TAS2R1: variants seen among roughly 807,000 people sequenced by gnomAD.
TAS2R1 encodes taste receptor type 2 member 1.
For synonymous variants in TAS2R1, 141 were observed against 134.2 expected (o/e 1.05, Z -0.35); for missense variants, 370 against 353.4 (o/e 1.05, Z -0.38).
At chr5:9,741,489 T>G in the TAS2R1 span, among the ~76,000 whole-genome samples, 3 of 152,204 alleles carry the variant, frequency 2.0e-5, no homozygotes, top group Non-Finnish European at 2.9e-5. Flanking sequence ...ATGTTTCTTA[T>G]GTCTAATGTT....
rs983772398 is a variant in TAS2R1, at chr5:9,629,126, T to C, written c.*7A>G. ...CATGGGTTCTTTGAACTGATCCAAC[T>C]TCTCTCTCACTGACAGCACTTACTG... On this transcript the variant is annotated 3_prime_UTR_variant, in exon 1 of 1. Coordinates refer to ENST00000382492, the MANE Select transcript of TAS2R1 (RefSeq NM_019599.3). 6.5e-7 allele frequency: 1 copy of C among 1,538,450 alleles called. No individual in the cohort carries two copies. The highest frequency in any genetic ancestry group is 8.7e-7 in the Non-Finnish European group (1 of 1,146,256).
the TAS2R1 span, among the ~76,000 whole-genome samples, chr5:9,864,629 A>G: frequency 6.8e-6 from 1 of 146,506 alleles, no homozygotes; most frequent in African/African-American, 2.5e-5. Flanking sequence ...GCTAGACTCC[A>G]CTCAAAAAAA....
the TAS2R1 span, among the ~76,000 whole-genome samples, chr5:9,836,493 G>C: frequency 0.06 from 9,040 of 151,902 alleles, 632 homozygotes; most frequent in East Asian, 0.23. Context: ...CCCTCCATAC[G>C]CCCCAGGTTA....
At chr5:9,755,636 G>T in the TAS2R1 span, among the ~76,000 whole-genome samples, 1 of 151,808 alleles carries the variant, frequency 6.6e-6, no homozygotes, top group Non-Finnish European at 1.5e-5. Flanking sequence ...ATAAAGAATG[G>T]CTATTCCATT....
At chr5:9,794,422 T>C in the TAS2R1 span, among the ~76,000 whole-genome samples, 2 of 152,172 alleles carry the variant, frequency 1.3e-5, no homozygotes, top group Admixed American at 6.5e-5. Flanking sequence ...TTATGGGAAT[T>C]TAACTACTTC....
the TAS2R1 span, among the ~76,000 whole-genome samples, chr5:9,879,927 T>C: frequency 6.6e-6 from 1 of 152,166 alleles, no homozygotes; most frequent in African/African-American, 2.4e-5. Context: ...AGAGAACAGA[T>C]AACCAGGCTA....
chr5:9,786,958 C>G, the TAS2R1 span, among the ~76,000 whole-genome samples: 4 of 152,204 alleles, frequency 2.6e-5, no homozygotes, highest in Admixed American at 1.3e-4. Flanking sequence ...GAATCTTTCT[C>G]TAAATGAATC....
the TAS2R1 span, among the ~76,000 whole-genome samples, chr5:9,758,770 C>T: frequency 6.6e-6 from 1 of 152,200 alleles, no homozygotes; most frequent in Non-Finnish European, 1.5e-5. Context: ...CTCCCCCAGG[C>T]TTCGGCAGCC....
chr5:9,837,477 G>A, the TAS2R1 span, among the ~76,000 whole-genome samples: 1 of 152,218 alleles, frequency 6.6e-6, no homozygotes, highest in East Asian at 1.9e-4. Flanking sequence ...AAATAGGCGG[G>A]CAGCTTCCTA....
the TAS2R1 span, among the ~76,000 whole-genome samples, chr5:9,724,344 CTTTTTT>C: frequency 8.0e-6 from 1 of 124,682 alleles, no homozygotes; most frequent in African/African-American, 2.8e-5. Flanking sequence ...ATGTTTCTTT[CTTTTTT>C]TTTTTTTTTT....
chr5:9,642,495 G>T (rs1214733967), intron 2 of TAS2R1, among the ~76,000 whole-genome samples: 1 of 152,066 alleles, frequency 6.6e-6, no homozygotes, highest in Non-Finnish European at 1.5e-5. Context: ...ACAACGTCTT[G>T]GTTAAAAAGC....
At chr5:9,740,488 C>T in the TAS2R1 span, among the ~76,000 whole-genome samples, 2 of 151,564 alleles carry the variant, frequency 1.3e-5, no homozygotes, top group Admixed American at 6.6e-5. Flanking sequence ...ACGCACTTCC[C>T]TCAGAATTTC....
chr5:9,672,349 C>G (rs1437564479), intron 1 of TAS2R1, among the ~76,000 whole-genome samples: 2 of 151,902 alleles, frequency 1.3e-5, no homozygotes, highest in East Asian at 3.9e-4. Context: ...AAAAGACAAC[C>G]TACAGAACAG....
intron 1 of TAS2R1, among the ~76,000 whole-genome samples, chr5:9,691,865 G>A (rs192859371): frequency 5.9e-5 from 9 of 152,300 alleles, no homozygotes; most frequent in Non-Finnish European, 1.5e-5. Flanking sequence ...CCTTAATAAT[G>A]AAGCAGAGAA....
the TAS2R1 span, among the ~76,000 whole-genome samples, chr5:9,832,788 T>C: frequency 6.6e-6 from 1 of 152,348 alleles, no homozygotes; most frequent in East Asian, 1.9e-4. Context: ...TCTATGTTTT[T>C]GTAAACCGAA....
chr5:9,707,314 T>C (rs907331597), intron 1 of TAS2R1, among the ~76,000 whole-genome samples: 1 of 152,166 alleles, frequency 6.6e-6, no homozygotes, highest in Non-Finnish European at 1.5e-5. Flanking sequence ...CAGGATGACA[T>C]GGCAGACCCT....
chr5:9,750,759 G>A, the TAS2R1 span, among the ~76,000 whole-genome samples: 1 of 152,056 alleles, frequency 6.6e-6, no homozygotes, highest in Non-Finnish European at 1.5e-5. Flanking sequence ...CCTCAAATTG[G>A]CAATCAGATT....
At chr5:9,803,432 C>T in the TAS2R1 span, among the ~76,000 whole-genome samples, 8 of 152,156 alleles carry the variant, frequency 5.3e-5, no homozygotes, top group African/African-American at 4.8e-5. Context: ...CACCTAGGCA[C>T]ATAGTCATCA....
At chr5:9,652,252 A>G (rs946942209) in intron 2 of TAS2R1, among the ~76,000 whole-genome samples, 9 of 152,206 alleles carry the variant, frequency 5.9e-5, no homozygotes, top group Non-Finnish European at 8.8e-5. Flanking sequence ...AGTGGGACCC[A>G]ACTACACATC....
Sources: allele counts gnomAD v4.1 joint callset (sites outside exome capture counted in the v4.1 genomes callset), GRCh38; gene constraint gnomAD v4.1.1; transcripts MANE v1.5; gene names NCBI Gene and HGNC (gene_info 2026-07-23, HGNC 2026-07-21).